The following SYNE1 variants were observed in gnomAD, a reference collection of about 807,000 sequenced individuals.
SYNE1 encodes nesprin-1.
Under a neutral mutation model 1,111.0 loss-of-function variants are expected in SYNE1, and 616 were observed. That is an observed-to-expected ratio of 0.55 (90% confidence interval 0.52 to 0.59). SYNE1 has a LOEUF of 0.59. SYNE1 is among the 20% of genes least tolerant of loss of function. SYNE1 has a pLI of 0.00. For synonymous variants in SYNE1, 3,855 were observed against 3,825.8 expected, an observed-to-expected ratio of 1.01 and a Z score of -0.28; for missense variants, 10,006 against 10,417.0, an observed-to-expected ratio of 0.96 and a Z score of 1.72.
At chr6:152,592,429 T>C (rs2099569673) in intron 3 of SYNE1, among the ~76,000 whole-genome samples, 1 of 152,168 alleles carries the variant, frequency 6.6e-6, no homozygotes, top group Admixed American at 6.5e-5. Flanking sequence ...TGGATGGAGC[T>C]GGAGGCCATA....
intron 95 of SYNE1, among the ~76,000 whole-genome samples, chr6:152,287,513 A>G (rs2094397440): frequency 6.6e-6 from 1 of 152,108 alleles, no homozygotes; most frequent in Non-Finnish European, 1.5e-5. Flanking sequence ...CATTTTTAAT[A>G]TATATTTTCC....
intron 4 of SYNE1, among the ~76,000 whole-genome samples, chr6:152,532,726 T>C (rs534719180): frequency 1.3e-5 from 2 of 152,296 alleles, no homozygotes; most frequent in East Asian, 3.9e-4. Flanking sequence ...CCATAACTTG[T>C]AGAACCAGAT....
chr6:152,440,567 A>ATTT (rs10700163), intron 32 of SYNE1, among the ~76,000 whole-genome samples: 53,358 of 122,348 alleles, frequency 0.44, 13,095 homozygotes, highest in East Asian at 0.7. Context: ...TTGCCTCCAG[A>ATTT]TTTTTTTTTT....
At chr6:152,146,957 G>A (rs938387720) in intron 137 of SYNE1, 1 of 152,332 alleles carries the variant, frequency 6.6e-6, no homozygotes, top group Non-Finnish European at 1.5e-5. Context: ...TCTACGACTG[G>A]ACTTTTGCAT....
intron 4 of SYNE1, among the ~76,000 whole-genome samples, chr6:152,533,108 T>C (rs2099213046): frequency 6.6e-6 from 1 of 152,220 alleles, no homozygotes. Flanking sequence ...TCTAATTGAA[T>C]GTTTCCAATA....
intron 84 of SYNE1, 24 bp from the exon 85 acceptor site, chr6:152,319,039 A>G (rs757018781): frequency 1.2e-6 from 2 of 1,613,574 alleles, no homozygotes; most frequent in African/African-American, 2.7e-5. Context: ...TAAGAACAGC[A>G]AAACAAGCCA....
chr6:152,466,984 C>T (rs1238279182), intron 16 of SYNE1, among the ~76,000 whole-genome samples: 1 of 152,050 alleles, frequency 6.6e-6, no homozygotes, highest in Non-Finnish European at 1.5e-5. Flanking sequence ...CTGATGAATG[C>T]TTAATATAGA....
chr6:152,539,699 A>G (rs1449414204), intron 4 of SYNE1, among the ~76,000 whole-genome samples: 2 of 152,200 alleles, frequency 1.3e-5, no homozygotes, highest in African/African-American at 4.8e-5. Context: ...ATTAGAAAAA[A>G]TAATTGGATG....
intron 28 of SYNE1, 24 bp from the exon 29 acceptor site, chr6:152,447,646 T>G: frequency 6.2e-7 from 1 of 1,614,032 alleles, no homozygotes; most frequent in Non-Finnish European, 8.5e-7. Context: ...ACACTTTTGA[T>G]GAACACAGTG....
chr6:152,630,234 A>G (rs1006360517), intron 2 of SYNE1, among the ~76,000 whole-genome samples: 4 of 152,208 alleles, frequency 2.6e-5, no homozygotes, highest in Admixed American at 6.5e-5. Flanking sequence ...TTAGCAAGAC[A>G]TGGGACAGCG....
intron 42 of SYNE1, 108 bp from the exon 43 acceptor site, chr6:152,409,817 A>G: frequency 1.7e-6 from 2 of 1,192,034 alleles, no homozygotes; most frequent in African/African-American, 1.5e-5. Flanking sequence ...TAATACTCAT[A>G]GACGGATTCC....
chr6:152,637,262 C>G lies in SYNE1; in HGVS notation c.-465G>C, dbSNP rs563620363. The G allele has an allele frequency of 1.3e-5, 2 of 152,432 alleles. No homozygotes were observed. The highest frequency in any genetic ancestry group is 4.1e-4 in the South Asian group (2 of 4,824). The allele number at this position is 152,432 out of a possible 1,614,324, so 9.4% of individuals were successfully genotyped here. On this transcript the variant is annotated 5_prime_UTR_variant, in exon 1 of 146. Coordinates refer to ENST00000367255, the MANE Select transcript of SYNE1 (RefSeq NM_182961.4). The stretch of plus-strand genomic sequence containing the variant: ...TGCTGTGACCCACCCGCTCAGCGAG[C>G]CTTTATACCGGGACCACCTCCCGGG...
intron 141 of SYNE1, among the ~76,000 whole-genome samples, chr6:152,135,812 A>G (rs1049869284): frequency 2.0e-5 from 3 of 152,164 alleles, no homozygotes; most frequent in Admixed American, 6.5e-5. Flanking sequence ...AGGGCTTTCC[A>G]TGGCGCTCAG....
intron 63 of SYNE1, 104 bp downstream of exon 63, chr6:152,364,743 A>G (rs567942833): frequency 8.2e-5 from 113 of 1,381,832 alleles, no homozygotes; most frequent in South Asian, 4.0e-4. Context: ...GAAGGAAAGG[A>G]AAGGGAAGGG....
intron 103 of SYNE1, 69 bp downstream of exon 103, chr6:152,255,522 A>T: frequency 1.3e-6 from 2 of 1,540,158 alleles, no homozygotes; most frequent in Non-Finnish European, 1.8e-6. Flanking sequence ...GCATAAAATT[A>T]ATTATCCCAT....
chr6:152,191,490 G>C (rs2072360788), intron 127 of SYNE1, among the ~76,000 whole-genome samples: 1 of 151,910 alleles, frequency 6.6e-6, no homozygotes. Flanking sequence ...ATTTCTTCAT[G>C]GTTCAATCTT....
intron 108 of SYNE1, among the ~76,000 whole-genome samples, chr6:152,239,143 C>T (rs1212042372): frequency 2.6e-5 from 4 of 152,076 alleles, no homozygotes; most frequent in Admixed American, 6.6e-5. Flanking sequence ...TCTCGAACTC[C>T]TGACCTCAAG....
At chr6:152,202,291 G>A (rs1179296863) in intron 126 of SYNE1, among the ~76,000 whole-genome samples, 1 of 132,492 alleles carries the variant, frequency 7.5e-6, no homozygotes, top group Admixed American at 9.4e-5. Flanking sequence ...AAGTTGCAGT[G>A]AGCTGAGATC....
chr6:152,325,686 T>C (rs1354544992), intron 80 of SYNE1, among the ~76,000 whole-genome samples: 5 of 152,252 alleles, frequency 3.3e-5, no homozygotes, highest in African/African-American at 4.8e-5. Flanking sequence ...TTTTATTTAA[T>C]CTGTTATCAA....
Sources: allele counts gnomAD v4.1 joint callset (sites outside exome capture counted in the v4.1 genomes callset), GRCh38; gene constraint gnomAD v4.1.1; transcripts MANE v1.5; gene names NCBI Gene and HGNC (gene_info 2026-07-23, HGNC 2026-07-21).